Variants in CYP51A1 observed in about 807,000 individuals in gnomAD.
CYP51A1 encodes the protein cytochrome P450 family 51 subfamily A member 1.
In CYP51A1, 45 loss-of-function variants were observed where a neutral mutation model predicts 53.5. The observed-to-expected ratio is 0.84, with a 90% CI of 0.66 to 1.08. The LOEUF (loss-of-function observed/expected upper bound fraction) is 1.08. Ranked by LOEUF, CYP51A1 falls within the 50% of genes least tolerant of loss-of-function variation. The pLI is 0.00. For missense variants in CYP51A1, 462 were observed against 621.7 expected, an observed-to-expected ratio of 0.74 and a Z score of 2.73; for synonymous variants, 181 against 217.7, an observed-to-expected ratio of 0.83 and a Z score of 1.48.
intron 7 of CYP51A1, 52 bp from the exon 8 acceptor site, chr7:92,118,667 A>T (rs1377831913): frequency 9.5e-7 from 1 of 1,054,052 alleles, no homozygotes; most frequent in Non-Finnish European, 1.5e-6. Context: ...CTTCAACAGT[A>T]CAAAAAATTA....
rs138109473 is a variant in CYP51A1 at position 92,117,103 on chromosome 7, C to T, written c.1292G>A (p.Arg431His). The T allele has an allele frequency of 2.2e-5, 36 of 1,613,860 alleles. No individual in the cohort carries two copies. Among genetic ancestry groups the T allele is most frequent in the African/African-American group, 5.3e-5 (4 of 74,904 alleles). ...WVERLDFNPD[R>H]YLQDNPASGE... ...TGATGCTGGGTTATCCTGTAAGTAG[C>T]GATCAGGATTAAAGTCCAGGCGTTC... The change falls in exon 9 of 10, where the codon CGC (arginine) becomes CAC (histidine). Residue 431 changes from arginine (R) to histidine (H), a missense_variant. Physicochemically the swap from Arg to His is conservative, Grantham distance 29. Coordinates refer to ENST00000003100, the MANE Select transcript of CYP51A1 (RefSeq NM_000786.4).
chr7:92,133,070 T>C (rs1584640125), intron 1 of CYP51A1, among the ~76,000 whole-genome samples: 1 of 152,280 alleles, frequency 6.6e-6, no homozygotes, highest in East Asian at 1.9e-4. Flanking sequence ...TAAATAACTC[T>C]TTCTTATGCC....
intron 2 of CYP51A1, among the ~76,000 whole-genome samples, 185 bp downstream of exon 2, chr7:92,131,589 C>T (rs1819918876): frequency 6.6e-6 from 1 of 152,186 alleles, no homozygotes; most frequent in Non-Finnish European, 1.5e-5. Flanking sequence ...ATGGGAAAAG[C>T]TAAAAGGATA....
At chr7:92,115,915 A>G (rs1819571534) in intron 9 of CYP51A1, among the ~76,000 whole-genome samples, 1 of 152,218 alleles carries the variant, frequency 6.6e-6, no homozygotes, top group African/African-American at 2.4e-5. Context: ...ACTAGTTTAG[A>G]AACGATTCCT....
chr7:92,122,343 A>G (rs1819709675), intron 7 of CYP51A1, among the ~76,000 whole-genome samples: 1 of 151,616 alleles, frequency 6.6e-6, no homozygotes, highest in South Asian at 2.1e-4. Flanking sequence ...ACTTCCAAAT[A>G]CATTCTATGA....
chr7:92,131,662 A>T (rs1819922150), intron 2 of CYP51A1, 112 bp downstream of exon 2: 1 of 600,840 alleles, frequency 1.7e-6, no homozygotes, highest in Admixed American at 3.2e-5. Flanking sequence ...TATACTGAGG[A>T]TATGTATATG....
At chr7:92,127,917 T>C (rs1819833849) in intron 3 of CYP51A1, among the ~76,000 whole-genome samples, 1 of 152,210 alleles carries the variant, frequency 6.6e-6, no homozygotes. Flanking sequence ...CAAGATTTAA[T>C]GTTAACTCTT....
upstream of CYP51A1, chr7:92,134,643 T>C: frequency 2.4e-6 from 1 of 423,698 alleles, no homozygotes; most frequent in Non-Finnish European, 4.2e-6. Context: ...GGCACAGTGG[T>C]ACGGGGCCGG....
intron 1 of CYP51A1, among the ~76,000 whole-genome samples, chr7:92,133,844 G>A (rs1819976515): frequency 6.6e-6 from 1 of 152,170 alleles, no homozygotes; most frequent in Admixed American, 6.5e-5. Context: ...GGGCACCACT[G>A]CTGCGGTCAG....
At chr7:92,123,467 G>A in intron 6 of CYP51A1, 152 bp from the exon 7 acceptor site, 2 of 784,160 alleles carry the variant, frequency 2.6e-6, no homozygotes, top group South Asian at 2.0e-5. Context: ...TTTCTCTTAG[G>A]GAAGAGACAG....
chr7:92,126,364 T>C lies in CYP51A1; in HGVS notation c.659A>G (p.Glu220Gly). ...LTASHCLHGK[E>G]IRSQLNEKVA... ...CTTTTCATTGAGTTGACTTCTGATT[T>C]CCTTTCCATGCAAACAATGGCTAGC... The change falls in exon 5 of 10, where the codon GAA becomes GGA. Residue 220 changes from glutamate (E) to glycine (G), a missense_variant. Coordinates refer to ENST00000003100, the MANE Select transcript of CYP51A1 (RefSeq NM_000786.4). The C allele has an allele frequency of 1.2e-6, 2 of 1,613,758 alleles. No individual in the cohort carries two copies. The highest frequency in any genetic ancestry group is 1.7e-6 in the Non-Finnish European group (2 of 1,179,836).
intron 6 of CYP51A1, 126 bp downstream of exon 6, chr7:92,123,608 T>A: frequency 1.1e-6 from 1 of 906,672 alleles, no homozygotes; most frequent in Non-Finnish European, 1.7e-6. Context: ...ATTTAAAGAG[T>A]CCAAAGATCA....
At chr7:92,123,898 C>A (rs1250150367) in intron 5 of CYP51A1, 45 bp from the exon 6 acceptor site, 3 of 1,477,514 alleles carry the variant, frequency 2.0e-6, no homozygotes, top group Non-Finnish European at 2.7e-6. Flanking sequence ...AAAGAAATAA[C>A]CTTCTAGGAT....
intron 5 of CYP51A1, 95 bp from the exon 6 acceptor site, chr7:92,123,948 T>C: frequency 2.0e-6 from 2 of 1,004,008 alleles, no homozygotes; most frequent in South Asian, 1.9e-5. Flanking sequence ...ATAAAGCATC[T>C]TATTTAACCA....
In CYP51A1 at chr7:92,119,584, G is replaced by A. The variant is rs369000831; in HGVS notation, c.1087-969C>T. Reference sequence around the variant, plus strand: ...GAATGACATAATTAATCCAGGAAACGCAGTAAACAAACAGCAGCAGCAACA... The same window carrying A: ...GAATGACATAATTAATCCAGGAAACACAGTAAACAAACAGCAGCAGCAACA... On this transcript the variant is annotated intron_variant, in intron 7 of 9. Coordinates refer to ENST00000003100, the MANE Select transcript of CYP51A1 (RefSeq NM_000786.4). 4.6e-5 allele frequency among the ~76,000 whole-genome samples: 7 copies of A among 152,208 alleles called. 1 individual carries two copies. The highest frequency in any genetic ancestry group is 4.4e-5 in the Non-Finnish European group (3 of 68,016).
At chr7:92,127,684 T>C in intron 3 of CYP51A1, 53 bp from the exon 4 acceptor site, 6 of 1,580,022 alleles carry the variant, frequency 3.8e-6, no homozygotes, top group Non-Finnish European at 5.2e-6. Context: ...TTTTGTTTTA[T>C]CATAAAATCC....
At chr7:92,132,019 T>G (rs952349537) in intron 1 of CYP51A1, 147 bp from the exon 2 acceptor site, 46 of 613,730 alleles carry the variant, frequency 7.5e-5, no homozygotes, top group Non-Finnish European at 1.2e-4. Flanking sequence ...CAGAAGTAAC[T>G]TGAGAACAGC....
chr7:92,117,365 C>CA, intron 8 of CYP51A1, 153 bp from the exon 9 acceptor site: 1 of 583,730 alleles, frequency 1.7e-6, no homozygotes, highest in South Asian at 2.9e-5. Context: ...ATCATAAAGT[C>CA]AAAAAATTAT....
intron 4 of CYP51A1, 66 bp downstream of exon 4, chr7:92,127,439 T>G (rs57218044): frequency 1.4e-6 from 2 of 1,473,298 alleles, no homozygotes; most frequent in Non-Finnish European, 1.9e-6. Flanking sequence ...TACACACATA[T>G]ATACTCTACT....
Sources: allele counts gnomAD v4.1 joint callset (sites outside exome capture counted in the v4.1 genomes callset), GRCh38; gene constraint gnomAD v4.1.1; transcripts MANE v1.5; gene names NCBI Gene and HGNC (gene_info 2026-07-23, HGNC 2026-07-21).